Variants in TNIK observed in about 807,000 individuals in gnomAD.
TNIK encodes TRAF2 and NCK-interacting protein kinase.
A neutral mutation model predicts 191.3 loss-of-function variants in TNIK; 49 were observed. The observed-to-expected ratio is 0.26, with a 90% CI of 0.20 to 0.32. The LOEUF (loss-of-function observed/expected upper bound fraction) is 0.32. TNIK is among the 10% of genes least tolerant of loss of function. The pLI, the probability that TNIK is intolerant of heterozygous loss-of-function variation, is 1.00. For synonymous variants in TNIK, 594 were observed against 600.9 expected, an observed-to-expected ratio of 0.99 and a Z score of 0.17; for missense variants, 1,155 against 1,702.3, an observed-to-expected ratio of 0.68 and a Z score of 5.66.
rs149526424 is a variant in TNIK, at chr3:171,412,666, T to C, written c.58-42981A>G. The stretch of plus-strand genomic sequence containing the variant: ...ATACTCCTAACCACCACACAAAGTA[T>C]AGAAGAAGGAGCAGGGCTTTTCTGA... On this transcript the variant is annotated intron_variant, in intron 1 of 32. Coordinates refer to ENST00000436636, the MANE Select transcript of TNIK (RefSeq NM_015028.4). Among the ~76,000 whole-genome samples, 27 of 152,288 alleles carry C rather than the reference T, an allele frequency of 1.8e-4. No homozygotes were observed. In the East Asian group the frequency reaches 5.0e-3, roughly 28 times the overall value.
intron 18 of TNIK, among the ~76,000 whole-genome samples, chr3:171,111,305 C>T (rs1289486934): frequency 6.6e-6 from 1 of 152,046 alleles, no homozygotes; most frequent in Admixed American, 6.6e-5. Flanking sequence ...CTCCCACTTA[C>T]ATGAGAGGCT....
At chr3:171,283,852 T>C (rs1488645146) in intron 2 of TNIK, among the ~76,000 whole-genome samples, 1 of 152,206 alleles carries the variant, frequency 6.6e-6, no homozygotes, top group Non-Finnish European at 1.5e-5. Flanking sequence ...CAGAACTACT[T>C]CGAGGGTACT....
chr3:171,211,014 A>C (rs1392510795), intron 4 of TNIK, 102 bp downstream of exon 4: 1 of 1,449,308 alleles, frequency 6.9e-7, no homozygotes, highest in Non-Finnish European at 9.4e-7. Context: ...CTAATGGTTA[A>C]AGAAGGAGTT....
chr3:171,322,939 T>C (rs1294313991), intron 2 of TNIK, among the ~76,000 whole-genome samples: 1 of 152,096 alleles, frequency 6.6e-6, no homozygotes, highest in Admixed American at 6.5e-5. Flanking sequence ...TTAAGAATTT[T>C]TTTACACTGG....
intron 1 of TNIK, among the ~76,000 whole-genome samples, chr3:171,380,803 A>G (rs1717926617): frequency 6.6e-6 from 1 of 152,242 alleles, no homozygotes; most frequent in Non-Finnish European, 1.5e-5. Context: ...CTTTTCTATG[A>G]GTAGGGAAAT....
chr3:171,088,858 C>T (rs376657455), intron 23 of TNIK, among the ~76,000 whole-genome samples: 156 of 152,326 alleles, frequency 1.0e-3, no homozygotes, highest in African/African-American at 3.7e-3. Flanking sequence ...TCCCTCTCTG[C>T]CTTTTCTTTC....
chr3:171,418,885 C>A (rs565835666), intron 1 of TNIK, among the ~76,000 whole-genome samples: 81 of 152,250 alleles, frequency 5.3e-4, no homozygotes, highest in African/African-American at 1.7e-3. Flanking sequence ...TACTGTCTTA[C>A]AGTAATCTCA....
intron 2 of TNIK, among the ~76,000 whole-genome samples, chr3:171,247,939 G>A (rs563770024): frequency 6.6e-6 from 1 of 152,126 alleles, no homozygotes; most frequent in Non-Finnish European, 1.5e-5. Flanking sequence ...AAAGTTGCTT[G>A]GTCTGAAAAG....
chr3:171,452,892 G>A (rs1342199780), intron 1 of TNIK, among the ~76,000 whole-genome samples: 2 of 152,054 alleles, frequency 1.3e-5, no homozygotes, highest in Non-Finnish European at 2.9e-5. Flanking sequence ...CCCAGGACCA[G>A]GCATAGTATT....
chr3:171,450,402 G>T (rs1174324630), intron 1 of TNIK, among the ~76,000 whole-genome samples: 1 of 152,290 alleles, frequency 6.6e-6, no homozygotes, highest in South Asian at 2.1e-4. Context: ...TGGTTTTTGT[G>T]TTGTGGGAAT....
intron 4 of TNIK, among the ~76,000 whole-genome samples, chr3:171,210,650 G>A (rs1210761107): frequency 6.6e-6 from 1 of 152,142 alleles, no homozygotes; most frequent in Non-Finnish European, 1.5e-5. Context: ...ATAGAGCTTG[G>A]TTAGATCCTA....
At chr3:171,381,581 C>A (rs1232615916) in intron 1 of TNIK, among the ~76,000 whole-genome samples, 3 of 152,156 alleles carry the variant, frequency 2.0e-5, no homozygotes, top group Non-Finnish European at 4.4e-5. Flanking sequence ...TGGATCAATG[C>A]CACCCAATAT....
At chr3:171,380,557 C>T (rs1717893083) in intron 1 of TNIK, among the ~76,000 whole-genome samples, 1 of 152,230 alleles carries the variant, frequency 6.6e-6, no homozygotes, top group Non-Finnish European at 1.5e-5. Flanking sequence ...CACCTATAAG[C>T]AACCATGAAG....
chr3:171,292,314 T>C (rs1366154694), intron 2 of TNIK, among the ~76,000 whole-genome samples: 1 of 152,250 alleles, frequency 6.6e-6, no homozygotes, highest in East Asian at 1.9e-4. Flanking sequence ...ATGAATATTG[T>C]TGTGGAGACT....
chr3:171,081,326 T>G (rs1304419414), intron 27 of TNIK, among the ~76,000 whole-genome samples: 1 of 151,902 alleles, frequency 6.6e-6, no homozygotes, highest in Non-Finnish European at 1.5e-5. Flanking sequence ...AGCTGAACTT[T>G]GAGGAAAGTT....
At chr3:171,121,023 G>A (rs867745925) in intron 18 of TNIK, among the ~76,000 whole-genome samples, 1 of 152,120 alleles carries the variant, frequency 6.6e-6, no homozygotes, top group Non-Finnish European at 1.5e-5. Flanking sequence ...AAAACTGATA[G>A]TAACAAAACA....
At chr3:171,380,941 G>C (rs1351282224) in intron 1 of TNIK, among the ~76,000 whole-genome samples, 1 of 152,250 alleles carries the variant, frequency 6.6e-6, no homozygotes, top group African/African-American at 2.4e-5. Flanking sequence ...TCATCTGGCA[G>C]AGGTACAAAC....
At chr3:171,083,742 G>A (rs1720977563) in intron 26 of TNIK, among the ~76,000 whole-genome samples, 1 of 151,568 alleles carries the variant, frequency 6.6e-6, no homozygotes. Context: ...CATTATTTAT[G>A]CTCATATTCC....
chr3:171,378,376 T>A (rs1248158537), intron 1 of TNIK, among the ~76,000 whole-genome samples: 1 of 152,204 alleles, frequency 6.6e-6, no homozygotes, highest in Non-Finnish European at 1.5e-5. Context: ...TTTCTATGCC[T>A]GTTTCTTCAA....
Sources: allele counts gnomAD v4.1 joint callset (sites outside exome capture counted in the v4.1 genomes callset), GRCh38; gene constraint gnomAD v4.1.1; transcripts MANE v1.5; gene names NCBI Gene and HGNC (gene_info 2026-07-23, HGNC 2026-07-21).